NXPE2: variants seen among roughly 807,000 people sequenced by gnomAD.
The protein encoded by NXPE2 is NXPE family member 2.
Under a neutral mutation model 34.4 loss-of-function variants are expected in NXPE2, and 34 were observed. The observed-to-expected ratio is 0.99, with a 90% CI of 0.75 to 1.31. The LOEUF (loss-of-function observed/expected upper bound fraction) is 1.31. NXPE2 is among the 40% of genes most tolerant of loss of function. The probability of loss-of-function intolerance (pLI) is 0.00; values close to 1 mark genes in which losing one functional copy is unlikely to be tolerated. For missense variants in NXPE2, 649 were observed against 672.5 expected (o/e 0.97, Z 0.39); for synonymous variants, 235 against 231.3 (o/e 1.02, Z -0.15).
At chr11:114,580,433 G>C in the NXPE2 span, 1 of 988,220 alleles carries the variant, frequency 1.0e-6, no homozygotes, top group Non-Finnish European at 1.6e-6. Flanking sequence ...TCCTAAGAGG[G>C]GGTAAGGTGG....
chr11:114,633,338 T>C, the NXPE2 span, among the ~76,000 whole-genome samples: 79 of 142,362 alleles, frequency 5.5e-4, no homozygotes, highest in Non-Finnish European at 9.1e-4. Flanking sequence ...TATTACATTT[T>C]ATTATATGAT....
chr11:114,760,145 T>C, the NXPE2 span, among the ~76,000 whole-genome samples: 1 of 152,198 alleles, frequency 6.6e-6, no homozygotes, highest in East Asian at 1.9e-4. Flanking sequence ...TAATCGTCAA[T>C]GTGATGGTGT....
intron 2 of NXPE2, among the ~76,000 whole-genome samples, chr11:114,692,277 G>T (rs185558975): frequency 6.6e-6 from 1 of 152,322 alleles, no homozygotes; most frequent in Admixed American, 6.5e-5. Context: ...AAGAAGCTGT[G>T]GAGAGTGCAG....
At chr11:114,786,818 G>GA in the NXPE2 span, among the ~76,000 whole-genome samples, 1 of 151,642 alleles carries the variant, frequency 6.6e-6, no homozygotes, top group Non-Finnish European at 1.5e-5. Context: ...GTTGGGAAGA[G>GA]CCCCCCCATG....
chr11:114,757,808 A>G, the NXPE2 span, among the ~76,000 whole-genome samples: 1 of 152,202 alleles, frequency 6.6e-6, no homozygotes. Flanking sequence ...GTCAGAGATG[A>G]GATAAAACAA....
chr11:114,526,585 T>C, the NXPE2 span: 1 of 152,212 alleles, frequency 6.6e-6, no homozygotes, highest in African/African-American at 2.4e-5. Flanking sequence ...GCATGACACT[T>C]GAGAACCTTC....
the NXPE2 span, among the ~76,000 whole-genome samples, chr11:114,808,992 A>G: frequency 6.6e-6 from 1 of 152,212 alleles, no homozygotes; most frequent in African/African-American, 2.4e-5. Flanking sequence ...AAGCTTATCC[A>G]CCATGATCAA....
At chr11:114,484,013 C>T in the NXPE2 span, among the ~76,000 whole-genome samples, 1 of 152,092 alleles carries the variant, frequency 6.6e-6, no homozygotes, top group African/African-American at 2.4e-5. Context: ...AGCTTGTGGC[C>T]TGTTTTCCAG....
At chr11:114,811,398 A>AC in the NXPE2 span, among the ~76,000 whole-genome samples, 1 of 151,848 alleles carries the variant, frequency 6.6e-6, no homozygotes, top group Non-Finnish European at 1.5e-5. Flanking sequence ...CACACACACA[A>AC]AAAAAAGGTA....
the NXPE2 span, among the ~76,000 whole-genome samples, chr11:114,469,462 A>G: frequency 2.0e-5 from 3 of 152,208 alleles, no homozygotes; most frequent in Admixed American, 1.3e-4. Flanking sequence ...ATCAACATAC[A>G]ATAAACTGCA....
At chr11:114,526,168 G>A in the NXPE2 span, among the ~76,000 whole-genome samples, 7 of 152,280 alleles carry the variant, frequency 4.6e-5, no homozygotes, top group East Asian at 9.7e-4. Context: ...CCTGGAATAA[G>A]CAAAGGAACA....
the NXPE2 span, among the ~76,000 whole-genome samples, chr11:114,610,553 G>A: frequency 9.8e-5 from 10 of 102,488 alleles, no homozygotes; most frequent in South Asian, 3.4e-4. Context: ...GTGTTGCCTC[G>A]TGGTTAACCA....
the NXPE2 span, among the ~76,000 whole-genome samples, chr11:114,716,838 A>AT: frequency 1.1e-4 from 16 of 151,974 alleles, no homozygotes; most frequent in Admixed American, 5.9e-4. Context: ...CAGTTTATCG[A>AT]TTTTTTTTCC....
chr11:114,721,307 T>C, the NXPE2 span, among the ~76,000 whole-genome samples: 1 of 150,856 alleles, frequency 6.6e-6, no homozygotes, highest in African/African-American at 2.4e-5. Flanking sequence ...CAGGGAGCAA[T>C]ACATGATCCT....
chr11:114,497,223 G>C, the NXPE2 span, among the ~76,000 whole-genome samples: 1 of 152,100 alleles, frequency 6.6e-6, no homozygotes, highest in Non-Finnish European at 1.5e-5. Flanking sequence ...GTGTGTGTTT[G>C]TGTCTTAATT....
At chr11:114,491,485 C>T in the NXPE2 span, among the ~76,000 whole-genome samples, 26 of 152,018 alleles carry the variant, frequency 1.7e-4, no homozygotes, top group African/African-American at 4.8e-4. Flanking sequence ...GTTAGAATGG[C>T]GATCATTAAA....
At chr11:114,802,848 G>A in the NXPE2 span, among the ~76,000 whole-genome samples, 4 of 151,796 alleles carry the variant, frequency 2.6e-5, no homozygotes, top group Non-Finnish European at 5.9e-5. Flanking sequence ...TGAGATTGAT[G>A]TACTCAACAA....
the NXPE2 span, chr11:114,583,458 G>C: frequency 1.5e-6 from 1 of 666,150 alleles, no homozygotes; most frequent in Non-Finnish European, 2.8e-6. Context: ...AAGTACCACA[G>C]TGATGACTAC....
At chr11:114,745,249 G>A in the NXPE2 span, among the ~76,000 whole-genome samples, 1 of 152,138 alleles carries the variant, frequency 6.6e-6, no homozygotes, top group Non-Finnish European at 1.5e-5. Flanking sequence ...GGCTGTACAA[G>A]AAGCATGGCA....
Sources: allele counts gnomAD v4.1 joint callset (sites outside exome capture counted in the v4.1 genomes callset), GRCh38; gene constraint gnomAD v4.1.1; transcripts MANE v1.5; gene names NCBI Gene and HGNC (gene_info 2026-07-23, HGNC 2026-07-21).